The following MAPK10 variants were observed in gnomAD, a reference collection of about 807,000 sequenced individuals.
MAPK10 encodes JNK3 alpha protein kinase.
Under a neutral mutation model 59.3 loss-of-function variants are expected in MAPK10, and 25 were observed. The ratio of observed to expected loss-of-function variants is 0.42; its 90% CI spans 0.31 to 0.59. The LOEUF (loss-of-function observed/expected upper bound fraction) is 0.59, where lower values mean the gene tolerates loss of function less well. Among genes scored for constraint, MAPK10 ranks in the 20% least tolerant of loss-of-function variants. MAPK10 has a pLI of 0.15. For missense variants in MAPK10, 351 were observed against 568.9 expected (o/e 0.62, Z 3.90); for synonymous variants, 190 against 200.5 (o/e 0.95, Z 0.44).
rs1176181939 is a variant in MAPK10 at position 86,098,547 on chromosome 4, T to C, written c.779A>G (p.Lys260Arg). ...GCIMGEMVRH[K>R]ILFPGRDYID... ...ACAGTCCCTTCCTGGAAAGAGGATTTTGTGGCGAACCATTTCTCCCATAAT... is the reference window on the plus strand; with the variant it reads ...ACAGTCCCTTCCTGGAAAGAGGATTCTGTGGCGAACCATTTCTCCCATAAT... The change falls in exon 9 of 14, where the codon AAA becomes AGA. Residue 260 changes from lysine (K) to arginine (R), a missense_variant. Around this residue, in one of 5 missense-constraint regions of MAPK10, gnomAD observed 76 missense variants for 197.9 expected, o/e 0.38. Transcript: ENST00000641462. 4 of 1,613,538 alleles carry C rather than the reference T, an allele frequency of 2.5e-6. No individual in the cohort carries two copies. The South Asian group carries it at 3.3e-5, about 13-fold the overall frequency.
At chr4:86,032,530 A>G (rs1187972339) in intron 11 of MAPK10, 2 of 152,226 alleles carry the variant, frequency 1.3e-5, no homozygotes, top group African/African-American at 4.8e-5. Flanking sequence ...AGAGTGATGC[A>G]ACCCCTTTAG....
chr4:86,084,134 G>A (rs1462964324), intron 9 of MAPK10, among the ~76,000 whole-genome samples: 3 of 152,154 alleles, frequency 2.0e-5, no homozygotes, highest in African/African-American at 2.4e-5. Context: ...CCCAGTTGTG[G>A]TGACTATGGG....
intron 9 of MAPK10, among the ~76,000 whole-genome samples, chr4:86,088,862 CTT>C (rs1236675402): frequency 2.6e-5 from 4 of 152,066 alleles, no homozygotes; most frequent in South Asian, 2.1e-4. Flanking sequence ...AACTGAAAGA[CTT>C]TATTTATTAT....
At chr4:86,048,329 G>C (rs965683221) in intron 11 of MAPK10, among the ~76,000 whole-genome samples, 6 of 152,042 alleles carry the variant, frequency 3.9e-5, no homozygotes, top group Admixed American at 6.6e-5. Flanking sequence ...GCATATGGAA[G>C]GTTCTAAAGA....
At chr4:86,435,101 A>C (rs952508300) in intron 1 of MAPK10, among the ~76,000 whole-genome samples, 23 of 152,180 alleles carry the variant, frequency 1.5e-4, no homozygotes, top group Admixed American at 5.2e-4. Flanking sequence ...ATGAAGATAG[A>C]GAGTAGATTG....
At chr4:86,155,219 T>C (rs1274209962) in intron 4 of MAPK10, among the ~76,000 whole-genome samples, 1 of 152,018 alleles carries the variant, frequency 6.6e-6, no homozygotes, top group Non-Finnish European at 1.5e-5. Context: ...TGTGAACACC[T>C]GAGTTTCTGC....
chr4:86,478,063 T>A (rs1196497697), intron 1 of MAPK10, among the ~76,000 whole-genome samples: 2 of 152,184 alleles, frequency 1.3e-5, no homozygotes, highest in African/African-American at 4.8e-5. Context: ...ACCGATTGTG[T>A]CCAACTGATC....
chr4:86,484,255 T>C (rs1019120390), intron 1 of MAPK10, among the ~76,000 whole-genome samples: 4 of 152,246 alleles, frequency 2.6e-5, no homozygotes, highest in Non-Finnish European at 5.9e-5. Flanking sequence ...ATTCACTTTA[T>C]ATAATTCATT....
intron 11 of MAPK10, among the ~76,000 whole-genome samples, chr4:86,044,921 A>G (rs761875056): frequency 6.6e-6 from 1 of 152,150 alleles, no homozygotes; most frequent in Non-Finnish European, 1.5e-5. Flanking sequence ...CAGGTAATTC[A>G]ACAAAACTTT....
At chr4:86,299,211 C>A (rs183079176) in intron 2 of MAPK10, among the ~76,000 whole-genome samples, 1 of 151,984 alleles carries the variant, frequency 6.6e-6, no homozygotes, top group African/African-American at 2.4e-5. Flanking sequence ...AGCAAACTTT[C>A]GAAATAAACT....
chr4:86,555,254 T>G (rs533645451), intron 1 of MAPK10, among the ~76,000 whole-genome samples: 84 of 152,242 alleles, frequency 5.5e-4, no homozygotes, highest in African/African-American at 1.9e-3. Flanking sequence ...AAGACCAGGC[T>G]GACCAATATG....
At chr4:86,179,973 CA>C (rs527802012) in intron 3 of MAPK10, among the ~76,000 whole-genome samples, 5 of 149,342 alleles carry the variant, frequency 3.3e-5, no homozygotes, top group South Asian at 4.2e-4. Flanking sequence ...GGCAACAAAA[CA>C]AAAAAAAATG....
chr4:86,539,960 T>C (rs188220032), intron 1 of MAPK10, among the ~76,000 whole-genome samples: 9 of 152,320 alleles, frequency 5.9e-5, no homozygotes, highest in Admixed American at 5.2e-4. Context: ...TAAAAAATTA[T>C]CTTGGTAGTA....
intron 1 of MAPK10, among the ~76,000 whole-genome samples, chr4:86,402,350 G>A (rs1057401808): frequency 4.6e-5 from 7 of 151,936 alleles, no homozygotes; most frequent in Admixed American, 3.3e-4. Flanking sequence ...TTATCACCAC[G>A]GGCTCTCTAA....
At chr4:86,258,029 A>G (rs2093824351) in intron 2 of MAPK10, among the ~76,000 whole-genome samples, 1 of 152,190 alleles carries the variant, frequency 6.6e-6, no homozygotes, top group Admixed American at 6.5e-5. Context: ...AAAAGTCACA[A>G]TGCTCAATCG....
chr4:86,549,568 G>C (rs1759591908), intron 1 of MAPK10, among the ~76,000 whole-genome samples: 1 of 152,220 alleles, frequency 6.6e-6, no homozygotes, highest in Admixed American at 6.5e-5. Context: ...GTGAGTCAGT[G>C]AGTGAGTGGT....
At chr4:86,547,837 G>A (rs1391762238) in intron 1 of MAPK10, among the ~76,000 whole-genome samples, 2 of 152,230 alleles carry the variant, frequency 1.3e-5, no homozygotes, top group Non-Finnish European at 2.9e-5. Flanking sequence ...CTCAGGGTTT[G>A]TGAATGCACC....
intron 2 of MAPK10, among the ~76,000 whole-genome samples, chr4:86,327,882 G>A (rs1169265437): frequency 1.3e-5 from 2 of 151,480 alleles, no homozygotes; most frequent in Non-Finnish European, 2.9e-5. Context: ...CCCAGGAGGT[G>A]GAGGTTGCAG....
At chr4:86,171,786 A>G (rs2074258341) in intron 3 of MAPK10, among the ~76,000 whole-genome samples, 1 of 151,408 alleles carries the variant, frequency 6.6e-6, no homozygotes, top group Non-Finnish European at 1.5e-5. Flanking sequence ...CAGAGTGAAC[A>G]GGCAACCTAC....
Sources: allele counts gnomAD v4.1 joint callset (sites outside exome capture counted in the v4.1 genomes callset), GRCh38; gene constraint gnomAD v4.1.1; regional missense constraint gnomAD v4.1.1; transcripts MANE v1.5; gene names NCBI Gene and HGNC (gene_info 2026-07-23, HGNC 2026-07-21).